Variants in NOL4 observed in about 807,000 individuals in gnomAD.
NOL4 encodes cancer/testis antigen 125.
A neutral mutation model predicts 75.9 loss-of-function variants in NOL4; 17 were observed. That is an observed-to-expected ratio of 0.22 (90% CI 0.15 to 0.34). The LOEUF is 0.34. Ranked by LOEUF, NOL4 falls within the 10% of genes least tolerant of loss-of-function variation. NOL4 has a pLI of 1.00. For missense variants in NOL4, 614 were observed against 793.5 expected (o/e 0.77, Z 2.72); for synonymous variants, 292 against 289.9 (o/e 1.01, Z -0.07).
intron 1 of NOL4, among the ~76,000 whole-genome samples, chr18:34,198,356 G>A (rs932775454): frequency 6.6e-6 from 1 of 151,588 alleles, no homozygotes; most frequent in Non-Finnish European, 1.5e-5. Flanking sequence ...AGTGACAAAC[G>A]CCAATTTGTC....
intron 5 of NOL4, among the ~76,000 whole-genome samples, chr18:34,041,942 AAAT>A (rs1283918339): frequency 2.6e-5 from 4 of 152,048 alleles, no homozygotes; most frequent in Non-Finnish European, 5.9e-5. Flanking sequence ...TTCTATCACA[AAAT>A]AATAATCTTT....
chr18:34,058,272 T>C (rs2076913397), intron 5 of NOL4, among the ~76,000 whole-genome samples: 1 of 152,156 alleles, frequency 6.6e-6, no homozygotes, highest in Non-Finnish European at 1.5e-5. Flanking sequence ...TAGCTGGGAC[T>C]ACAGGCACCC....
chr18:34,039,169 T>C (rs533372500), intron 5 of NOL4, among the ~76,000 whole-genome samples: 2 of 152,158 alleles, frequency 1.3e-5, no homozygotes, highest in South Asian at 4.1e-4. Flanking sequence ...CCTCGTCTTA[T>C]TGTCACACAA....
At chr18:34,090,561 A>T (rs2145510804) in intron 5 of NOL4, among the ~76,000 whole-genome samples, 1 of 152,174 alleles carries the variant, frequency 6.6e-6, no homozygotes, top group East Asian at 1.9e-4. Context: ...AGTGAGAAAA[A>T]GGAAGAGGGA....
intron 6 of NOL4, among the ~76,000 whole-genome samples, chr18:33,969,644 C>T (rs1299641604): frequency 1.3e-5 from 2 of 151,768 alleles, no homozygotes; most frequent in Non-Finnish European, 2.9e-5. Context: ...ATCTGGTTTA[C>T]TCATTTACCA....
intron 10 of NOL4, 79 bp from the exon 11 acceptor site, chr18:33,853,114 T>A: frequency 8.4e-7 from 1 of 1,190,636 alleles, no homozygotes; most frequent in South Asian, 1.6e-5. Flanking sequence ...CAATAAATTA[T>A]AGTTGAATGA....
At chr18:33,867,634 A>C (rs561274385) in intron 10 of NOL4, among the ~76,000 whole-genome samples, 1 of 122,172 alleles carries the variant, frequency 8.2e-6, no homozygotes, top group Non-Finnish European at 1.7e-5. Flanking sequence ...TAAGACTCTA[A>C]TGTGTGTGTA....
rs1036101770 is a variant in NOL4, at chr18:34,032,649, T to C, written c.773-13048A>G. On this transcript the variant is annotated intron_variant, in intron 5 of 10. Transcript: ENST00000261592. ...ACGTGGGATCCAGATAGTTGTCCTG[T>C]TACCTTCACCCATGCCATTCTAGCT... is the stretch of plus-strand genomic sequence containing the variant. 4.6e-5 allele frequency among the ~76,000 whole-genome samples: 7 copies of C among 152,018 alleles called. No individual in the cohort carries two copies. In the South Asian group the frequency reaches 1.5e-3, roughly 32 times the overall value.
chr18:34,170,979 A>G (rs2032976564), intron 1 of NOL4, among the ~76,000 whole-genome samples: 1 of 152,204 alleles, frequency 6.6e-6, no homozygotes, highest in Non-Finnish European at 1.5e-5. Context: ...TCTATAATTA[A>G]GCTAACATTG....
At chr18:34,082,225 C>A (rs2078042168) in intron 5 of NOL4, among the ~76,000 whole-genome samples, 1 of 152,068 alleles carries the variant, frequency 6.6e-6, no homozygotes, top group African/African-American at 2.4e-5. Flanking sequence ...CACAGCTGGG[C>A]TTGTGGCAAC....
chr18:34,163,203 C>T (rs1193649164), intron 1 of NOL4, among the ~76,000 whole-genome samples: 1 of 152,154 alleles, frequency 6.6e-6, no homozygotes, highest in Admixed American at 6.5e-5. Flanking sequence ...CCCTCTCTCA[C>T]CACTCCTATT....
At chr18:33,912,775 A>T (rs1006065427) in intron 9 of NOL4, among the ~76,000 whole-genome samples, 17 of 152,078 alleles carry the variant, frequency 1.1e-4, no homozygotes, top group African/African-American at 3.9e-4. Context: ...CTAAGATGAC[A>T]TTATAAATAT....
intron 9 of NOL4, among the ~76,000 whole-genome samples, chr18:33,918,046 A>G (rs1342617815): frequency 1.3e-5 from 2 of 152,186 alleles, no homozygotes; most frequent in Non-Finnish European, 2.9e-5. Context: ...GCCTCATTTT[A>G]AAATTAAACG....
intron 1 of NOL4, among the ~76,000 whole-genome samples, chr18:34,208,086 T>C (rs1017454212): frequency 7.2e-5 from 11 of 152,212 alleles, no homozygotes; most frequent in African/African-American, 2.4e-4. Flanking sequence ...TTGTGCAGTT[T>C]CATGACTGAG....
chr18:34,170,048 T>C (rs535152002), intron 1 of NOL4, among the ~76,000 whole-genome samples: 2 of 152,342 alleles, frequency 1.3e-5, no homozygotes, highest in East Asian at 1.9e-4. Context: ...ATCATAAGCA[T>C]ATTTTTAGTT....
chr18:33,941,592 A>C (rs2068480254), intron 9 of NOL4, among the ~76,000 whole-genome samples: 1 of 151,966 alleles, frequency 6.6e-6, no homozygotes, highest in Non-Finnish European at 1.5e-5. Flanking sequence ...ATTGATGCTT[A>C]CTATGCACCA....
intron 5 of NOL4, among the ~76,000 whole-genome samples, chr18:34,063,454 T>C (rs1042923779): frequency 6.6e-6 from 1 of 152,124 alleles, no homozygotes; most frequent in Non-Finnish European, 1.5e-5. Flanking sequence ...ATATATGTTT[T>C]AGGGACTATA....
In NOL4 at chr18:34,217,690, CT is replaced by C. The variant is rs529653790; in HGVS notation, c.264+5299del. Among the ~76,000 whole-genome samples, 19 of 147,926 alleles carry C rather than the reference CT, an allele frequency of 1.3e-4. No homozygotes were observed. In the South Asian group the frequency reaches 1.3e-3, roughly 10 times the overall value. On this transcript the variant is annotated intron_variant, in intron 1 of 10. Transcript: ENST00000261592. ...GTTCTATGAATCATATTTTAAGCAA[CT>C]TTTTTTTTTAGCATTTACTATGTCC... is the stretch of plus-strand genomic sequence containing the variant.
At chr18:33,911,010 C>T (rs1318437492) in intron 9 of NOL4, among the ~76,000 whole-genome samples, 9 of 152,104 alleles carry the variant, frequency 5.9e-5, no homozygotes, top group African/African-American at 1.7e-4. Flanking sequence ...TCTCTCTTCT[C>T]GGCTATAATT....
Sources: gnomAD v4.1 joint callset for allele counts (sites outside exome capture counted in the v4.1 genomes callset) on GRCh38, gnomAD v4.1.1 for gene constraint, MANE v1.5 for transcripts, NCBI Gene and HGNC (gene_info 2026-07-23, HGNC 2026-07-21) for gene names.